SLC35F1: variants seen among roughly 807,000 people sequenced by gnomAD.
SLC35F1 encodes chromosome 6 open reading frame 169.
SLC35F1 carries 14 observed loss-of-function variants against 48.7 expected under a neutral mutation model. The ratio of observed to expected loss-of-function variants is 0.29; its 90% CI spans 0.19 to 0.45. SLC35F1 has a LOEUF of 0.45. Among genes scored for constraint, SLC35F1 ranks in the 20% least tolerant of loss-of-function variants. SLC35F1 has a pLI of 1.00. For missense variants in SLC35F1, 404 were observed against 500.0 expected, an observed-to-expected ratio of 0.81 and a Z score of 1.83; for synonymous variants, 190 against 202.2, an observed-to-expected ratio of 0.94 and a Z score of 0.51.
chr6:117,913,604 G>A (rs966422702), intron 1 of SLC35F1, among the ~76,000 whole-genome samples: 1 of 152,176 alleles, frequency 6.6e-6, no homozygotes, highest in Non-Finnish European at 1.5e-5. Flanking sequence ...ATGTACAATA[G>A]TTAAGAAGGA....
At position 118,070,142 on chromosome 6, in the gene SLC35F1, CAAAAAAAA is replaced by C. The variant is rs61496169; in HGVS notation, c.174-84289_174-84282del. 1.3e-3 allele frequency among the ~76,000 whole-genome samples: 102 copies of C among 78,698 alleles called. 1 individual carries two copies. The East Asian group carries it at 0.033, about 25-fold the overall frequency. The allele number at this position is 78,698 out of a possible 152,430, so 51.6% of individuals were successfully genotyped here. On this transcript the variant is annotated intron_variant, in intron 1 of 7. Coordinates refer to ENST00000360388, the MANE Select transcript of SLC35F1 (RefSeq NM_001029858.4). The stretch of plus-strand genomic sequence containing the variant: ...TGGGCGACAGAGCGAGACTCCGTCT[CAAAAAAAA>C]AAAAAAAAAAAAAGAATGTTCATTT...
chr6:118,074,284 T>C (rs1772785536), intron 1 of SLC35F1, among the ~76,000 whole-genome samples: 1 of 152,238 alleles, frequency 6.6e-6, no homozygotes, highest in African/African-American at 2.4e-5. Flanking sequence ...CCTACCTGTA[T>C]AAAGAAAGTG....
At chr6:118,105,863 C>T (rs1773320688) in intron 1 of SLC35F1, among the ~76,000 whole-genome samples, 1 of 152,172 alleles carries the variant, frequency 6.6e-6, no homozygotes, top group South Asian at 2.1e-4. Context: ...CACGATCATA[C>T]ATCAAAGTAG....
chr6:118,292,716 G>T (rs1776139835), intron 7 of SLC35F1, among the ~76,000 whole-genome samples: 1 of 150,758 alleles, frequency 6.6e-6, no homozygotes, highest in Non-Finnish European at 1.5e-5. Context: ...TCCACTCTTG[G>T]AAAAAATCCA....
intron 1 of SLC35F1, among the ~76,000 whole-genome samples, chr6:117,909,554 C>G (rs1346644182): frequency 6.6e-6 from 1 of 152,076 alleles, no homozygotes; most frequent in Non-Finnish European, 1.5e-5. Flanking sequence ...AGTAGCTAGA[C>G]AAGTGGTTTG....
chr6:117,922,192 G>C (rs79579500), intron 1 of SLC35F1, among the ~76,000 whole-genome samples: 1,987 of 152,244 alleles, frequency 0.013, 54 homozygotes, highest in African/African-American at 0.045. Context: ...TGAGTTAGTG[G>C]TGTGCTTATG....
rs59548308 is a variant in SLC35F1 at position 118,085,487 on chromosome 6, CTTTTTTTTTTTTTT to C, written c.174-68943_174-68930del. Reference sequence around the variant, plus strand: ...TTTTCTCTTTTTTTTTCTTTCTTTCCTTTTTTTTTTTTTTTTTTTTTTTTTTTTGAGGTAGAGCC... The same window carrying C: ...TTTTCTCTTTTTTTTTCTTTCTTTCCTTTTTTTTTTTTTTGAGGTAGAGCC... On this transcript the variant is annotated intron_variant, in intron 1 of 7. Transcript: ENST00000360388. Among the ~76,000 whole-genome samples, 254 of 56,980 alleles carry C rather than the reference CTTTTTTTTTTTTTT, an allele frequency of 4.5e-3. 6 individuals carry two copies. In the East Asian group the frequency reaches 0.12, roughly 27 times the overall value. The allele number at this position is 56,980 out of a possible 152,430, so 37.4% of individuals were successfully genotyped here.
chr6:118,163,215 C>T (rs570797049), intron 2 of SLC35F1, among the ~76,000 whole-genome samples: 2 of 152,162 alleles, frequency 1.3e-5, no homozygotes, highest in South Asian at 2.1e-4. Context: ...CCACCCACCT[C>T]GGCCTCCCAA....
intron 1 of SLC35F1, among the ~76,000 whole-genome samples, chr6:118,054,838 G>A (rs777546581): frequency 2.0e-5 from 3 of 151,712 alleles, no homozygotes; most frequent in Non-Finnish European, 2.9e-5. Context: ...AGGCAGTGGC[G>A]CGATCTCAGC....
rs1184607463 is a variant in SLC35F1 at position 117,923,712 on chromosome 6, T to TATGTAC, written c.173+15815_173+15816insGTACAT. Among the ~76,000 whole-genome samples the TATGTAC allele has an allele frequency of 6.4e-4, 13 of 20,180 alleles. 2 individuals are homozygous for TATGTAC. The highest frequency in any genetic ancestry group is 7.5e-4 in the African/African-American group (6 of 7,958). The allele number at this position is 20,180 out of a possible 152,430, so 13.2% of individuals were successfully genotyped here. A position where few individuals can be genotyped will look rare whatever the true frequency, so the allele number is the denominator to read the frequency against. On this transcript the variant is annotated intron_variant, in intron 1 of 7. Transcript: ENST00000360388. ...ATATGTACATATACATATATGTACATATATACATATATACATATGTATATA... is the reference window on the plus strand; with the variant it reads ...ATATGTACATATACATATATGTACATATGTACATATACATATATACATATGTATATA...
intron 3 of SLC35F1, among the ~76,000 whole-genome samples, chr6:118,261,126 G>A (rs1775706669): frequency 6.6e-6 from 1 of 152,186 alleles, no homozygotes; most frequent in South Asian, 2.1e-4. Context: ...CAAAATTGAT[G>A]CAAAGTGATT....
intron 2 of SLC35F1, among the ~76,000 whole-genome samples, chr6:118,221,575 G>C (rs1401709892): frequency 1.3e-5 from 2 of 152,182 alleles, no homozygotes; most frequent in Non-Finnish European, 2.9e-5. Flanking sequence ...ATATTCTTAT[G>C]CTCCAGCCAA....
chr6:118,286,056 T>G (rs923483110), intron 7 of SLC35F1, among the ~76,000 whole-genome samples: 5 of 152,136 alleles, frequency 3.3e-5, no homozygotes, highest in Non-Finnish European at 7.3e-5. Context: ...CCAATAACAA[T>G]CAATTAGAAT....
Position 118,154,514 on chromosome 6 carries a change from C to T in SLC35F1, c.243C>T (p.Ser81=). ...SLLICGIGLT[S]KYLSEDFHAN... ...TTATTTGTGGAATTGGCTTGACTAG[C>T]AAGTATCTGTCAGAAGATTTCCACG... is the stretch of plus-strand genomic sequence containing the variant. The change falls in exon 2 of 8, where the codon AGC becomes AGT. Residue 81 remains serine (S), a synonymous_variant. Coordinates refer to ENST00000360388, the MANE Select transcript of SLC35F1 (RefSeq NM_001029858.4). The T allele has an allele frequency of 6.2e-7, 1 of 1,613,974 alleles. No individual in the cohort carries two copies. The highest frequency in any genetic ancestry group is 1.1e-5 in the South Asian group (1 of 91,048).
intron 2 of SLC35F1, among the ~76,000 whole-genome samples, chr6:118,225,436 A>G (rs1030883446): frequency 1.3e-5 from 2 of 152,226 alleles, no homozygotes; most frequent in Non-Finnish European, 2.9e-5. Context: ...CTGGTTAACC[A>G]TATGCAGAAG....
intron 1 of SLC35F1, among the ~76,000 whole-genome samples, chr6:118,138,475 A>G (rs1012454367): frequency 1.3e-5 from 2 of 152,176 alleles, no homozygotes; most frequent in East Asian, 1.9e-4. Flanking sequence ...TCAAGGAAGA[A>G]ATGACCCAAG....
intron 1 of SLC35F1, among the ~76,000 whole-genome samples, chr6:117,929,922 T>C (rs1776078515): frequency 6.6e-6 from 1 of 152,166 alleles, no homozygotes; most frequent in Non-Finnish European, 1.5e-5. Context: ...AATTACTATG[T>C]ATCAGCCACT....
intron 1 of SLC35F1, among the ~76,000 whole-genome samples, chr6:117,930,016 T>C (rs1432003580): frequency 6.6e-6 from 1 of 152,192 alleles, no homozygotes; most frequent in Non-Finnish European, 1.5e-5. Flanking sequence ...GCCAGAGACA[T>C]CTGCTAAATT....
At chr6:118,130,425 C>G (rs1010565869) in intron 1 of SLC35F1, among the ~76,000 whole-genome samples, 7 of 152,020 alleles carry the variant, frequency 4.6e-5, no homozygotes, top group Non-Finnish European at 8.8e-5. Flanking sequence ...GAGCGGAGAT[C>G]GCACCACTGC....
Sources: allele counts gnomAD v4.1 joint callset (sites outside exome capture counted in the v4.1 genomes callset), GRCh38; gene constraint gnomAD v4.1.1; transcripts MANE v1.5; gene names NCBI Gene and HGNC (gene_info 2026-07-23, HGNC 2026-07-21).